PRELID2: variants seen among roughly 807,000 people sequenced by gnomAD.
PRELID2 encodes the protein PRELI domain-containing protein 2.
PRELID2 carries 25 observed loss-of-function variants against 28.4 expected under a neutral mutation model. The ratio of observed to expected loss-of-function variants is 0.88; its 90% confidence interval spans 0.64 to 1.23. The LOEUF (loss-of-function observed/expected upper bound fraction) is 1.23. Among genes scored for constraint, PRELID2 ranks in the 50% most tolerant of loss-of-function variants. The pLI, the probability that PRELID2 is intolerant of heterozygous loss-of-function variation, is 0.00. For synonymous variants in PRELID2, 76 were observed against 71.6 expected (o/e 1.06, Z -0.31); for missense variants, 201 against 214.4 (o/e 0.94, Z 0.39).
At chr5:145,827,465 A>G (rs1262623101) in intron 1 of PRELID2, among the ~76,000 whole-genome samples, 2 of 152,238 alleles carry the variant, frequency 1.3e-5, no homozygotes, top group African/African-American at 4.8e-5. Context: ...GAGCCAAGAC[A>G]TGCAGACTAC....
At chr5:145,522,102 A>G (rs1198225490) in intron 1 of PRELID2, among the ~76,000 whole-genome samples, 1 of 152,188 alleles carries the variant, frequency 6.6e-6, no homozygotes, top group Non-Finnish European at 1.5e-5. Context: ...AAACTATTAA[A>G]ATGTTGTCAT....
At chr5:145,440,456 T>C in the PRELID2 span, among the ~76,000 whole-genome samples, 11 of 152,146 alleles carry the variant, frequency 7.2e-5, no homozygotes, top group African/African-American at 2.7e-4. Context: ...ATGTGCCTTT[T>C]AGGAGCCATA....
chr5:145,232,062 T>C, the PRELID2 span, among the ~76,000 whole-genome samples: 1 of 152,074 alleles, frequency 6.6e-6, no homozygotes, highest in Non-Finnish European at 1.5e-5. Context: ...TAAAAACACA[T>C]TGAAACTTTT....
At position 145,505,287 on chromosome 5, in the gene PRELID2, T is replaced by C. The variant is rs1199752483; in HGVS notation, n.71-31972A>G. The stretch of plus-strand genomic sequence containing the variant: ...TCATCAATGCCACCACTAGTCCATA[T>C]GGTGGTTTCTTACAAATTAGAAAAA... On this transcript the variant is annotated intron_variant and non_coding_transcript_variant, in intron 1 of 2. Coordinates refer to the PRELID2 transcript ENST00000510259. Among the ~76,000 whole-genome samples the C allele has an allele frequency of 2.0e-5, 3 of 152,272 alleles. No individual in the cohort carries two copies. The East Asian group carries it at 5.8e-4, about 29-fold the overall frequency.
intron 1 of PRELID2, among the ~76,000 whole-genome samples, chr5:145,742,443 G>A (rs1459001842): frequency 2.4e-5 from 3 of 124,956 alleles, no homozygotes; most frequent in African/African-American, 9.0e-5. Flanking sequence ...ATCGATAACA[G>A]AAAGACAGTT....
At chr5:145,412,007 GCACACA>G in the PRELID2 span, among the ~76,000 whole-genome samples, 4 of 152,172 alleles carry the variant, frequency 2.6e-5, no homozygotes, top group Admixed American at 2.6e-4. Flanking sequence ...TCCTGAGGCT[GCACACA>G]GCAGGGGGTC....
chr5:145,361,312 T>C, the PRELID2 span, among the ~76,000 whole-genome samples: 1 of 152,198 alleles, frequency 6.6e-6, no homozygotes, highest in African/African-American at 2.4e-5. Flanking sequence ...TGCTAAGTGC[T>C]TTCTAAATGA....
At chr5:145,243,590 A>G in the PRELID2 span, among the ~76,000 whole-genome samples, 1 of 152,084 alleles carries the variant, frequency 6.6e-6, no homozygotes, top group Non-Finnish European at 1.5e-5. Context: ...CAGTGTCATC[A>G]TCACCATCAT....
chr5:145,553,301 A>G (rs1752853858), intron 1 of PRELID2, among the ~76,000 whole-genome samples: 1 of 151,734 alleles, frequency 6.6e-6, no homozygotes, highest in South Asian at 2.1e-4. Context: ...CAAGGAAGTG[A>G]CAATGCAAGC....
chr5:145,600,757 TAAA>T (rs904345220), intron 1 of PRELID2, among the ~76,000 whole-genome samples: 17 of 151,602 alleles, frequency 1.1e-4, no homozygotes, highest in African/African-American at 4.1e-4. Context: ...TCAGAAACAA[TAAA>T]AAATAGACCA....
chr5:145,464,159 T>A, the PRELID2 span, among the ~76,000 whole-genome samples: 3 of 152,264 alleles, frequency 2.0e-5, no homozygotes, highest in African/African-American at 7.2e-5. Context: ...CTAAAACACA[T>A]GCTGAATTAA....
intron 1 of PRELID2, among the ~76,000 whole-genome samples, chr5:145,697,114 T>A (rs1755296932): frequency 7.4e-6 from 1 of 135,508 alleles, no homozygotes; most frequent in Non-Finnish European, 1.6e-5. Context: ...TATATATACC[T>A]GACATATATA....
chr5:145,373,918 A>C, the PRELID2 span, among the ~76,000 whole-genome samples: 2 of 136,300 alleles, frequency 1.5e-5, no homozygotes, highest in African/African-American at 2.7e-5. Flanking sequence ...AATATATATG[A>C]TATTATATAT....
chr5:145,693,447 C>T (rs902272634), intron 1 of PRELID2, among the ~76,000 whole-genome samples: 1 of 149,516 alleles, frequency 6.7e-6, no homozygotes, highest in African/African-American at 2.5e-5. Flanking sequence ...TGCACCCAAC[C>T]AGAAATAATT....
intron 1 of PRELID2, among the ~76,000 whole-genome samples, chr5:145,481,623 C>CGAAAAAAAAAAAA (rs1752160143): frequency 2.4e-5 from 1 of 41,862 alleles, no homozygotes; most frequent in Non-Finnish European, 3.8e-5. Flanking sequence ...GCAAGGAAAT[C>CGAAAAAAAAAAAA]AAAAAAAAAA....
chr5:145,251,670 G>C, the PRELID2 span, among the ~76,000 whole-genome samples: 1 of 151,944 alleles, frequency 6.6e-6, no homozygotes, highest in East Asian at 1.9e-4. Flanking sequence ...AAAATAGTTG[G>C]GCCCCTTTTC....
intron 1 of PRELID2, among the ~76,000 whole-genome samples, chr5:145,611,002 TAATA>T (rs1347663530): frequency 4.1e-5 from 6 of 148,030 alleles, no homozygotes; most frequent in South Asian, 2.1e-4. Context: ...AATTAATATA[TAATA>T]AATAAATATT....
At chr5:145,268,191 G>A in the PRELID2 span, among the ~76,000 whole-genome samples, 1 of 152,096 alleles carries the variant, frequency 6.6e-6, no homozygotes, top group Non-Finnish European at 1.5e-5. Context: ...TACTTGTAGA[G>A]TATTACTCAA....
the PRELID2 span, among the ~76,000 whole-genome samples, chr5:145,379,286 G>A: frequency 6.6e-6 from 1 of 152,154 alleles, no homozygotes; most frequent in African/African-American, 2.4e-5. Flanking sequence ...CAGTGACAGT[G>A]GATCTAGTCT....
Sources: gnomAD v4.1 joint callset for allele counts (sites outside exome capture counted in the v4.1 genomes callset) on GRCh38, gnomAD v4.1.1 for gene constraint, MANE v1.5 for transcripts, NCBI Gene and HGNC (gene_info 2026-07-23, HGNC 2026-07-21) for gene names.